The following IL1RL1 variants were observed in gnomAD, a reference collection of about 807,000 sequenced individuals.
The protein encoded by IL1RL1 is interleukin 1 receptor like 1.
Under a neutral mutation model 50.9 loss-of-function variants are expected in IL1RL1, and 32 were observed. The observed-to-expected ratio is 0.63, with a 90% CI of 0.47 to 0.84. The LOEUF (loss-of-function observed/expected upper bound fraction) is 0.84. IL1RL1 is among the 40% of genes least tolerant of loss of function. The pLI, the probability that IL1RL1 is intolerant of heterozygous loss-of-function variation, is 0.00. For missense variants in IL1RL1, 773 were observed against 662.9 expected, an observed-to-expected ratio of 1.17 and a Z score of -1.82; for synonymous variants, 275 against 236.0, an observed-to-expected ratio of 1.17 and a Z score of -1.51.
At chr2:102,346,781 G>C (rs950379540) in intron 8 of IL1RL1, among the ~76,000 whole-genome samples, 2 of 152,194 alleles carry the variant, frequency 1.3e-5, no homozygotes, top group African/African-American at 4.8e-5. Flanking sequence ...TGGTCATTGA[G>C]AGAACTGATA....
intron 1 of IL1RL1, among the ~76,000 whole-genome samples, chr2:102,326,686 A>G (rs1409037662): frequency 6.6e-6 from 1 of 152,154 alleles, no homozygotes; most frequent in East Asian, 1.9e-4. Context: ...AAACAAAAAA[A>G]AGGCAGGGGT....
At chr2:102,349,021 G>A in intron 9 of IL1RL1, 58 bp from the exon 10 acceptor site, 1 of 1,332,236 alleles carries the variant, frequency 7.5e-7, no homozygotes, top group South Asian at 1.2e-5. Flanking sequence ...TCTTCAAAGA[G>A]TCCAGTGAGA....
At position 102,338,984 on chromosome 2, in the gene IL1RL1, A is replaced by G. The variant is rs1341960018; in HGVS notation, c.209A>G (p.Gln70Arg). ...QERNRVFASG[Q>R]LLKFLPAAVA... ...AGAAATCGTGTGTTTGCCTCAGGCC[A>G]ACTTCTGAAGTTTCTACCAGCTGCA... is the stretch of plus-strand genomic sequence containing the variant. The change falls in exon 3 of 11, where the codon CAA becomes CGA. Residue 70 changes from glutamine (Q) to arginine (R), a missense_variant. Gln to Arg is a conservative substitution (Grantham distance 43). Transcript: ENST00000233954. 1.2e-6 allele frequency: 2 copies of G among 1,613,906 alleles called. No individual in the cohort carries two copies. Among genetic ancestry groups the G allele is most frequent in the Non-Finnish European group, 1.7e-6 (2 of 1,179,916 alleles).
Position 102,340,791 on chromosome 2 carries a change from T to G in IL1RL1, c.573T>G (p.Asn191Lys). 1 of 1,584,326 alleles carries G rather than the reference T, an allele frequency of 6.3e-7. No homozygotes were observed. The highest frequency in any genetic ancestry group is 8.5e-7 in the Non-Finnish European group (1 of 1,171,116). ...CKFIHNENGA[N>K]YSVTATRSFT... Reference sequence around the variant, plus strand: ...TTATACACAATGAAAATGGAGCCAATTATAGTGTGACGGCGACCAGGTCCT... The same window carrying G: ...TTATACACAATGAAAATGGAGCCAAGTATAGTGTGACGGCGACCAGGTCCT... The change falls in exon 5 of 11, where the codon AAT becomes AAG. Residue 191 changes from asparagine (N) to lysine (K), a missense_variant. Transcript: ENST00000233954.
Position 102,348,210 on chromosome 2 carries a change from A to T in IL1RL1, c.1117+119A>T, listed in dbSNP as rs544416609. On this transcript the variant is annotated intron_variant, in intron 9 of 10. Transcript: ENST00000233954. ...AAGCCCAGATTCCATTTTGCTTGCT[A>T]ATCTGTTATCAGTGAGTTGTGTTTT... 7.7e-4 allele frequency: 594 copies of T among 775,634 alleles called. 5 individuals carry two copies. The South Asian group carries it at 9.6e-3, about 13-fold the overall frequency. The allele number at this position is 775,634 out of a possible 1,614,324, so 48.0% of individuals were successfully genotyped here. A position where few individuals can be genotyped will look rare whatever the true frequency, so the allele number is the denominator to read the frequency against.
In IL1RL1 at chr2:102,351,945, A is replaced by G; in HGVS notation, c.*24A>G. The G allele has an allele frequency of 1.9e-6, 3 of 1,577,724 alleles. No homozygotes were observed. Among genetic ancestry groups the G allele is most frequent in the South Asian group, 2.4e-5 (2 of 84,852 alleles). ...AGTGCCTGCTGTGATGTGCAAAGGC[A>G]TCTGAGTTTGAAGCTTTCCTGACTT... On this transcript the variant is annotated 3_prime_UTR_variant, in exon 11 of 11. Coordinates refer to ENST00000233954, the MANE Select transcript of IL1RL1 (RefSeq NM_016232.5).
chr2:102,323,455 G>A (rs1205700857), intron 1 of IL1RL1, among the ~76,000 whole-genome samples: 1 of 151,926 alleles, frequency 6.6e-6, no homozygotes, highest in Non-Finnish European at 1.5e-5. Flanking sequence ...AAGTTTATTT[G>A]GCTCATGATT....
rs185546010 is a variant in IL1RL1, at chr2:102,335,158, T to C, written c.-149-2958T>C. Among the ~76,000 whole-genome samples, 290 of 152,322 alleles carry C rather than the reference T, an allele frequency of 1.9e-3. 1 individual carries two copies. Among genetic ancestry groups the C allele is most frequent in the African/African-American group, 6.9e-3 (287 of 41,566 alleles). On this transcript the variant is annotated intron_variant, in intron 1 of 10. Coordinates refer to ENST00000233954, the MANE Select transcript of IL1RL1 (RefSeq NM_016232.5). ...TGCTTAAAATGCCTTGCTTTATTCA[T>C]GTATTAGAAGCCCTTGCCTTTTTGC...
intron 9 of IL1RL1, 93 bp from the exon 10 acceptor site, chr2:102,348,986 C>A: frequency 1.1e-6 from 1 of 918,750 alleles, no homozygotes; most frequent in Non-Finnish European, 1.7e-6. Context: ...CATTCACCAA[C>A]AGCCATAAAA....
intron 1 of IL1RL1, among the ~76,000 whole-genome samples, chr2:102,317,972 C>A (rs1344399423): frequency 1.3e-5 from 2 of 152,038 alleles, no homozygotes; most frequent in African/African-American, 2.4e-5. Flanking sequence ...GGAGGCCAAG[C>A]AACAGGAAGG....
chr2:102,339,690 A>G lies in IL1RL1; in HGVS notation c.273-408A>G, dbSNP rs10181632. Among the ~76,000 whole-genome samples, 846 of 152,326 alleles carry G rather than the reference A, an allele frequency of 5.6e-3. 17 individuals carry two copies. Among genetic ancestry groups the G allele is most frequent in the African/African-American group, 0.02 (812 of 41,578 alleles). ...TCTGCCCTTCAGTTTCCTTCTCTGTAAAATGCATATAATGTAATAATATAT... is the reference window on the plus strand; with the variant it reads ...TCTGCCCTTCAGTTTCCTTCTCTGTGAAATGCATATAATGTAATAATATAT... On this transcript the variant is annotated intron_variant, in intron 3 of 10. Transcript: ENST00000233954.
chr2:102,341,046 A>G, intron 5 of IL1RL1: 1 of 669,830 alleles, frequency 1.5e-6, no homozygotes, highest in Non-Finnish European at 2.2e-6. Flanking sequence ...TTACTAATTC[A>G]AAGCCACATC....
chr2:102,342,399 A>G, intron 6 of IL1RL1, 105 bp downstream of exon 6: 2 of 754,576 alleles, frequency 2.7e-6, no homozygotes, highest in South Asian at 1.6e-5. Flanking sequence ...AGCATAAGGA[A>G]CCTTGAGGAG....
intron 1 of IL1RL1, among the ~76,000 whole-genome samples, chr2:102,327,943 C>A (rs1369155890): frequency 6.6e-6 from 1 of 152,178 alleles, no homozygotes. Context: ...GGAGCTGTTA[C>A]CATTCCTTCT....
intron 1 of IL1RL1, among the ~76,000 whole-genome samples, chr2:102,323,469 A>G (rs1676898421): frequency 6.6e-6 from 1 of 152,010 alleles, no homozygotes; most frequent in South Asian, 2.1e-4. Flanking sequence ...CATGATTTTA[A>G]TGGCTGCAAA....
intron 1 of IL1RL1, among the ~76,000 whole-genome samples, chr2:102,322,627 T>C (rs973414166): frequency 3.3e-5 from 5 of 152,238 alleles, no homozygotes; most frequent in African/African-American, 1.2e-4. Flanking sequence ...TATGATTTTC[T>C]ACTCTTTTCT....
At chr2:102,314,875 T>G (rs1676631659) in intron 1 of IL1RL1, among the ~76,000 whole-genome samples, 2 of 152,064 alleles carry the variant, frequency 1.3e-5, no homozygotes, top group South Asian at 4.1e-4. Context: ...CTATATGCAG[T>G]ACTGATAATG....
chr2:102,338,251 G>C lies in IL1RL1; in HGVS notation c.-14G>C, dbSNP rs770425562. 1 of 1,591,444 alleles carries C rather than the reference G, an allele frequency of 6.3e-7. No individual in the cohort carries two copies. Among genetic ancestry groups the C allele is most frequent in the Non-Finnish European group, 8.6e-7 (1 of 1,161,840 alleles). On this transcript the variant is annotated 5_prime_UTR_variant, in exon 2 of 11. Coordinates refer to ENST00000233954, the MANE Select transcript of IL1RL1 (RefSeq NM_016232.5). ...CAACGAGTTACCAATACTTGCTCTT[G>C]ATTGATAAACAGAATGGGGTTTTGG...
chr2:102,342,436 C>T, intron 6 of IL1RL1, 142 bp downstream of exon 6: 1 of 615,908 alleles, frequency 1.6e-6, no homozygotes, highest in Non-Finnish European at 2.9e-6. Flanking sequence ...CCTGAAAGCA[C>T]CTGCCCCAAG....
Sources: allele counts gnomAD v4.1 joint callset (sites outside exome capture counted in the v4.1 genomes callset), GRCh38; gene constraint gnomAD v4.1.1; transcripts MANE v1.5; gene names NCBI Gene and HGNC (gene_info 2026-07-23, HGNC 2026-07-21).